TMED10: variants seen among roughly 807,000 people sequenced by gnomAD.
The protein encoded by TMED10 is transmembrane p24 trafficking protein 10.
TMED10 carries 7 observed loss-of-function variants against 23.1 expected under a neutral mutation model. That is an observed-to-expected ratio of 0.30 (90% CI 0.17 to 0.57). TMED10 has a LOEUF of 0.57. TMED10 is among the 20% of genes least tolerant of loss of function. The probability of loss-of-function intolerance (pLI) is 0.91; values close to 1 mark genes in which losing one functional copy is unlikely to be tolerated. For missense variants in TMED10, 162 were observed against 274.8 expected (o/e 0.59, Z 2.90); for synonymous variants, 113 against 106.9 (o/e 1.06, Z -0.35).
At chr14:75,158,583 C>T (rs1594871424) in intron 1 of TMED10, among the ~76,000 whole-genome samples, 1 of 152,018 alleles carries the variant, frequency 6.6e-6, no homozygotes, top group South Asian at 2.1e-4. Flanking sequence ...CCACCTTGGC[C>T]TCCCAAATGC....
At chr14:75,147,444 T>G in intron 3 of TMED10, 1 of 575,312 alleles carries the variant, frequency 1.7e-6, no homozygotes, top group Non-Finnish European at 3.1e-6. Context: ...TCCACCCGCC[T>G]TGGCCTCCCA....
At chr14:75,151,924 GAATA>G (rs1235862591) in intron 2 of TMED10, 104 bp downstream of exon 2, 2 of 990,202 alleles carry the variant, frequency 2.0e-6, no homozygotes, top group Admixed American at 2.8e-5. Flanking sequence ...CTCCAAATCA[GAATA>G]AATAAAGAAT....
chr14:75,140,584 T>C (rs1776693913), intron 3 of TMED10, among the ~76,000 whole-genome samples: 1 of 152,154 alleles, frequency 6.6e-6, no homozygotes, highest in Non-Finnish European at 1.5e-5. Context: ...GGCGCATGCC[T>C]GTAGTCCCAG....
chr14:75,174,644 G>A (rs779321093), intron 1 of TMED10, among the ~76,000 whole-genome samples: 3 of 152,122 alleles, frequency 2.0e-5, no homozygotes, highest in Non-Finnish European at 4.4e-5. Flanking sequence ...AAAATAGTTT[G>A]TCTCTCCCAA....
chr14:75,135,546 G>A (rs1895738875), intron 4 of TMED10: 1 of 552,710 alleles, frequency 1.8e-6, no homozygotes, highest in African/African-American at 1.9e-5. Context: ...ACTAATTGAG[G>A]ATGTTGTCAC....
At chr14:75,172,550 C>T (rs992758848) in intron 1 of TMED10, among the ~76,000 whole-genome samples, 19 of 152,058 alleles carry the variant, frequency 1.2e-4, no homozygotes, top group Admixed American at 3.3e-4. Flanking sequence ...CCTCGTGATT[C>T]GCCCACCTCG....
intron 1 of TMED10, among the ~76,000 whole-genome samples, chr14:75,174,473 CCT>C (rs1180991869): frequency 6.6e-6 from 1 of 152,040 alleles, no homozygotes; most frequent in Admixed American, 6.6e-5. Flanking sequence ...GCTGAAATTC[CCT>C]GAGTCCATGA....
chr14:75,172,200 G>A (rs1896242526), intron 1 of TMED10, among the ~76,000 whole-genome samples: 1 of 152,128 alleles, frequency 6.6e-6, no homozygotes, highest in Admixed American at 6.5e-5. Flanking sequence ...AGAGGAAGAG[G>A]AGACTGCTCT....
chr14:75,159,523 C>T (rs1481553247), intron 1 of TMED10, among the ~76,000 whole-genome samples: 1 of 152,206 alleles, frequency 6.6e-6, no homozygotes, highest in African/African-American at 2.4e-5. Context: ...ATTTGCCCAA[C>T]CACCTTATTT....
At chr14:75,141,969 A>G (rs1285000748) in intron 3 of TMED10, among the ~76,000 whole-genome samples, 2 of 152,216 alleles carry the variant, frequency 1.3e-5, no homozygotes, top group African/African-American at 4.8e-5. Flanking sequence ...TTGAGGCTTT[A>G]TATCACAGTA....
At chr14:75,160,289 A>G (rs2139850798) in intron 1 of TMED10, among the ~76,000 whole-genome samples, 1 of 152,344 alleles carries the variant, frequency 6.6e-6, no homozygotes, top group East Asian at 1.9e-4. Flanking sequence ...CACATCTCCC[A>G]ACCCCAATAT....
chr14:75,176,551 C>G lies in TMED10; in HGVS notation c.29G>C (p.Arg10Pro). The G allele has an allele frequency of 2.5e-6, 4 of 1,614,164 alleles. No homozygotes were observed. Among genetic ancestry groups the G allele is most frequent in the Non-Finnish European group, 3.4e-6 (4 of 1,180,034 alleles). The change falls in exon 1 of 5, where the codon CGG becomes CCG. Residue 10 changes from arginine (R) to proline (P), a missense_variant. Arg to Pro is a moderately radical substitution (Grantham distance 103). Coordinates refer to ENST00000303575, the MANE Select transcript of TMED10 (RefSeq NM_006827.6). Reference protein sequence around the residue: MSGLSGPPARRGPFPLALLL... With the variant: MSGLSGPPAPRGPFPLALLL... ...CAACGCTAACGGAAAAGGGCCGCGC[C>G]GGGCTGGTGGGCCAGACAAACCAGA...
intron 3 of TMED10, among the ~76,000 whole-genome samples, chr14:75,145,780 C>T (rs1895876418): frequency 6.6e-6 from 1 of 152,048 alleles, no homozygotes; most frequent in African/African-American, 2.4e-5. Context: ...AAGCGAGACT[C>T]CATCTCAATA....
chr14:75,155,465 T>TTTAATGTATTG (rs1294571766), intron 1 of TMED10, among the ~76,000 whole-genome samples: 1 of 152,228 alleles, frequency 6.6e-6, no homozygotes, highest in Non-Finnish European at 1.5e-5. Context: ...TTGTTAGACA[T>TTTAATGTATTG]TTGTATGGGG....
intron 1 of TMED10, among the ~76,000 whole-genome samples, chr14:75,159,506 T>G (rs1451940500): frequency 2.0e-5 from 3 of 152,236 alleles, no homozygotes; most frequent in African/African-American, 7.2e-5. Context: ...TTGCAGGATT[T>G]GCACACATTT....
At chr14:75,173,498 TTAAC>T (rs1244128012) in intron 1 of TMED10, among the ~76,000 whole-genome samples, 8 of 152,168 alleles carry the variant, frequency 5.3e-5, no homozygotes, top group Non-Finnish European at 1.0e-4. Flanking sequence ...TCACCCCTAA[TTAAC>T]AGTTTCTACT....
At chr14:75,167,519 G>C (rs549334699) in intron 1 of TMED10, among the ~76,000 whole-genome samples, 2 of 146,454 alleles carry the variant, frequency 1.4e-5, no homozygotes, top group African/African-American at 5.1e-5. Context: ...ATACAGCTTT[G>C]GGTGAGGGAA....
Position 75,142,367 on chromosome 14 carries a change from A to G in TMED10, c.411+5297T>C, listed in dbSNP as rs980371699. On this transcript the variant is annotated intron_variant, in intron 3 of 4. Coordinates refer to ENST00000303575, the MANE Select transcript of TMED10 (RefSeq NM_006827.6). Reference sequence around the variant, plus strand: ...GTGTCCAACCAAAATTAACAGTACCATGGTCTCTTAACTCCCTACCCAGGG... The same window carrying G: ...GTGTCCAACCAAAATTAACAGTACCGTGGTCTCTTAACTCCCTACCCAGGG... Among the ~76,000 whole-genome samples the G allele has an allele frequency of 2.0e-5, 3 of 152,208 alleles. 1 individual carries two copies. Among genetic ancestry groups the G allele is most frequent in the Admixed American group, 2.0e-4 (3 of 15,278 alleles).
At chr14:75,166,695 G>A (rs1291363893) in intron 1 of TMED10, among the ~76,000 whole-genome samples, 1 of 152,118 alleles carries the variant, frequency 6.6e-6, no homozygotes, top group Non-Finnish European at 1.5e-5. Context: ...TAGGAACTTT[G>A]TATATAATAC....
Sources: allele counts gnomAD v4.1 joint callset (sites outside exome capture counted in the v4.1 genomes callset), GRCh38; gene constraint gnomAD v4.1.1; transcripts MANE v1.5; gene names NCBI Gene and HGNC (gene_info 2026-07-23, HGNC 2026-07-21).